ADGRE1: variants seen among roughly 807,000 people sequenced by gnomAD.
The protein encoded by ADGRE1 is EGF-like module receptor 1.
In ADGRE1, 82 loss-of-function variants were observed where a neutral mutation model predicts 102.7. The ratio of observed to expected loss-of-function variants is 0.80; its 90% confidence interval spans 0.67 to 0.96. The LOEUF (loss-of-function observed/expected upper bound fraction) is 0.96, where lower values mean the gene tolerates loss of function less well. Among genes scored for constraint, ADGRE1 ranks in the 40% least tolerant of loss-of-function variants. The pLI is 0.00. For synonymous variants in ADGRE1, 398 were observed against 399.6 expected (o/e 1.00, Z 0.05); for missense variants, 1,032 against 1,085.3 (o/e 0.95, Z 0.69).
chr19:6,904,057 A>T lies in ADGRE1; in HGVS notation c.824A>T (p.Asp275Val), dbSNP rs772475033. Residue 275 changes from aspartate (D) to valine (V), a missense_variant, in exon 8 of 21, where the codon GAT becomes GTT. Asp to Val is a radical substitution (Grantham distance 152). Coordinates refer to ENST00000312053, the MANE Select transcript of ADGRE1 (RefSeq NM_001974.5). ...ECRDIDECRQDPSTCGPNSIC... is the reference protein window; with the variant it reads ...ECRDIDECRQVPSTCGPNSIC... Reference sequence around the variant, plus strand: ...GCAGATATTGATGAGTGCCGCCAAGATCCATCAACCTGTGGTCCTAATTCT... The same window carrying T: ...GCAGATATTGATGAGTGCCGCCAAGTTCCATCAACCTGTGGTCCTAATTCT... 6.2e-7 allele frequency: 1 copy of T among 1,614,160 alleles called. No individual in the cohort carries two copies. Among genetic ancestry groups the T allele is most frequent in the Non-Finnish European group, 8.5e-7 (1 of 1,180,036 alleles).
In ADGRE1 at chr19:6,933,135, C is replaced by T. The variant is rs554564948; in HGVS notation, c.2290-1852C>T. Among the ~76,000 whole-genome samples, 11 of 152,154 alleles carry T rather than the reference C, an allele frequency of 7.2e-5. No homozygotes were observed. The East Asian group carries it at 1.9e-3, about 27-fold the overall frequency. On this transcript the variant is annotated intron_variant, in intron 17 of 20. Coordinates refer to ENST00000312053, the MANE Select transcript of ADGRE1 (RefSeq NM_001974.5). ...ACTCAGGAGGCTGAGGCAGGAGAAT[C>T]GCTTGAACCTGGGAGACAGAGGTTA...
Position 6,924,800 on chromosome 19 carries a change from C to T in ADGRE1, c.1914C>T (p.His638=), listed in dbSNP as rs376472997. The change falls in exon 15 of 21, where the codon CAC becomes CAT. Residue 638 remains histidine (H), a synonymous_variant. Coordinates refer to ENST00000312053, the MANE Select transcript of ADGRE1 (RefSeq NM_001974.5). Reference sequence around the variant, plus strand: ...TCCGAAATCACAACACCTACCTCCACCTGCACCTCTGCGTGTGTCTCCTCT... The same window carrying T: ...TCCGAAATCACAACACCTACCTCCATCTGCACCTCTGCGTGTGTCTCCTCT... ...RSIRNHNTYL[H]LHLCVCLLLA... 1.9e-6 allele frequency: 3 copies of T among 1,614,182 alleles called. No homozygotes were observed. Among genetic ancestry groups the T allele is most frequent in the Non-Finnish European group, 2.5e-6 (3 of 1,180,044 alleles).
chr19:6,914,913 A>G (rs560191804), intron 11 of ADGRE1, among the ~76,000 whole-genome samples: 157 of 152,182 alleles, frequency 1.0e-3, no homozygotes, highest in Non-Finnish European at 1.9e-3. Flanking sequence ...TCAAGGAACA[A>G]TGAGGTGCAC....
At chr19:6,935,979 A>G (rs1253789018) in intron 18 of ADGRE1, among the ~76,000 whole-genome samples, 3 of 152,162 alleles carry the variant, frequency 2.0e-5, no homozygotes, top group South Asian at 2.1e-4. Flanking sequence ...TTACAGGTCA[A>G]TTGTGTTTCC....
chr19:6,887,945 A>G (rs1272097064), intron 1 of ADGRE1, among the ~76,000 whole-genome samples: 2 of 152,202 alleles, frequency 1.3e-5, no homozygotes, highest in African/African-American at 2.4e-5. Context: ...TGAGGCTGAT[A>G]TTCTAGTGGG....
At chr19:6,890,384 C>T (rs1048249048) in intron 1 of ADGRE1, 97 bp from the exon 2 acceptor site, 6 of 1,210,824 alleles carry the variant, frequency 5.0e-6, no homozygotes, top group African/African-American at 1.6e-5. Context: ...TTCTGTGGGG[C>T]CAAGCCAGGA....
At chr19:6,904,296 T>C in intron 8 of ADGRE1, 114 bp downstream of exon 8, 2 of 1,328,478 alleles carry the variant, frequency 1.5e-6, no homozygotes, top group Non-Finnish European at 1.0e-6. Context: ...ATCCACATAT[T>C]CTGTTTCTTT....
chr19:6,926,727 T>G lies in ADGRE1; in HGVS notation c.2222+126T>G. 4 of 944,234 alleles carry G rather than the reference T, an allele frequency of 4.2e-6. No individual in the cohort carries two copies. In the South Asian group the frequency reaches 6.2e-5, roughly 15 times the overall value. 58.5% of individuals were successfully genotyped at this position (944,234 alleles called of 1,614,324 possible). A position where few individuals can be genotyped will look rare whatever the true frequency, so the allele number is the denominator to read the frequency against. ...GCTACCATTTATCGAGCTCTTCTAT[T>G]ATGTACTATTGGTTTCAGGACCACC... is the stretch of plus-strand genomic sequence containing the variant. On this transcript the variant is annotated intron_variant, in intron 16 of 20. Transcript: ENST00000312053.
At chr19:6,933,440 T>G (rs2145027081) in intron 17 of ADGRE1, among the ~76,000 whole-genome samples, 1 of 147,092 alleles carries the variant, frequency 6.8e-6, no homozygotes, top group Non-Finnish European at 1.5e-5. Context: ...CAGGCTGGAG[T>G]ACAATGGCAT....
chr19:6,888,496 G>A (rs1178965195), intron 1 of ADGRE1, among the ~76,000 whole-genome samples: 2 of 152,158 alleles, frequency 1.3e-5, no homozygotes, highest in Non-Finnish European at 2.9e-5. Flanking sequence ...AAGAATGGAG[G>A]ATATTGGGGA....
At chr19:6,891,943 G>A (rs571393020) in intron 2 of ADGRE1, among the ~76,000 whole-genome samples, 2 of 152,186 alleles carry the variant, frequency 1.3e-5, no homozygotes, top group South Asian at 2.1e-4. Context: ...TTGGAGGACC[G>A]AGCGAAGGTG....
At chr19:6,927,812 A>AC (rs1974982878) in intron 16 of ADGRE1, among the ~76,000 whole-genome samples, 2 of 151,764 alleles carry the variant, frequency 1.3e-5, no homozygotes, top group Non-Finnish European at 2.9e-5. Flanking sequence ...CAGGCGTGAG[A>AC]CCCCACGCCC....
chr19:6,888,593 C>A (rs923964567), intron 1 of ADGRE1, among the ~76,000 whole-genome samples: 3 of 152,164 alleles, frequency 2.0e-5, no homozygotes, highest in Admixed American at 6.6e-5. Flanking sequence ...AACTGAGGCA[C>A]AAAGAGATTA....
intron 12 of ADGRE1, among the ~76,000 whole-genome samples, chr19:6,918,592 A>G (rs1438105787): frequency 6.6e-6 from 1 of 152,110 alleles, no homozygotes. Flanking sequence ...TTTAAAGGGG[A>G]CACTCCCCAA....
At chr19:6,934,484 A>T (rs1223218684) in intron 17 of ADGRE1, among the ~76,000 whole-genome samples, 2 of 148,796 alleles carry the variant, frequency 1.3e-5, no homozygotes, top group Non-Finnish European at 3.0e-5. Flanking sequence ...GCAGTGGCAC[A>T]ATCTCAGCTC....
Position 6,921,181 on chromosome 19 carries a change from G to A in ADGRE1, c.1621-532G>A, listed in dbSNP as rs114159586. Among the ~76,000 whole-genome samples the A allele has an allele frequency of 4.6e-3, 700 of 152,254 alleles. 6 individuals are homozygous for A. The highest frequency in any genetic ancestry group is 0.016 in the African/African-American group (671 of 41,542). The stretch of plus-strand genomic sequence containing the variant: ...CACACCTGTAATCCCAGAACTTTGG[G>A]AGGCCCGAGGCAGGTGAATCACTTG... On this transcript the variant is annotated intron_variant, in intron 13 of 20. Coordinates refer to ENST00000312053, the MANE Select transcript of ADGRE1 (RefSeq NM_001974.5).
intron 17 of ADGRE1, among the ~76,000 whole-genome samples, chr19:6,931,787 G>T (rs1387583120): frequency 4.2e-5 from 6 of 141,720 alleles, no homozygotes; most frequent in Non-Finnish European, 6.2e-5. Context: ...GACAGAGGGA[G>T]ACTGTCTCAA....
At chr19:6,904,527 C>CTTT (rs561401517) in intron 8 of ADGRE1, among the ~76,000 whole-genome samples, 1 of 134,810 alleles carries the variant, frequency 7.4e-6, no homozygotes, top group Non-Finnish European at 1.6e-5. Context: ...AAAAAGTGTG[C>CTTT]TTTTTTTTTT....
intron 6 of ADGRE1, 28 bp from the exon 7 acceptor site, chr19:6,903,782 G>C: frequency 1.9e-6 from 3 of 1,609,132 alleles, no homozygotes; most frequent in Non-Finnish European, 2.5e-6. Context: ...TGGCCAACTT[G>C]GCTCCACACC....
Sources: gnomAD v4.1 joint callset for allele counts (sites outside exome capture counted in the v4.1 genomes callset) on GRCh38, gnomAD v4.1.1 for gene constraint, MANE v1.5 for transcripts, NCBI Gene and HGNC (gene_info 2026-07-23, HGNC 2026-07-21) for gene names.